The following PRPSAP2 variants were observed in gnomAD, a reference collection of about 807,000 sequenced individuals.
PRPSAP2 encodes phosphoribosyl pyrophosphate synthetase associated protein 2.
In PRPSAP2, 24 loss-of-function variants were observed where a neutral mutation model predicts 40.6. The ratio of observed to expected loss-of-function variants is 0.59; its 90% CI spans 0.43 to 0.83. The LOEUF is 0.83. Among genes scored for constraint, PRPSAP2 ranks in the 40% least tolerant of loss-of-function variants. The pLI is 0.00. For synonymous variants in PRPSAP2, 149 were observed against 164.7 expected (o/e 0.90, Z 0.73); for missense variants, 292 against 465.6 (o/e 0.63, Z 3.43).
chr17:18,860,449 T>C (rs1414154146), intron 1 of PRPSAP2: 1 of 152,254 alleles, frequency 6.6e-6, no homozygotes, highest in Non-Finnish European at 1.5e-5. Flanking sequence ...TCAGCAATCA[T>C]TTGTTTAGCC....
At chr17:18,909,565 G>A (rs1170388115) in intron 8 of PRPSAP2, among the ~76,000 whole-genome samples, 10 of 151,898 alleles carry the variant, frequency 6.6e-5, no homozygotes, top group Non-Finnish European at 1.2e-4. Flanking sequence ...TTTATAAAGA[G>A]TTAAATATAC....
At chr17:18,924,903 T>A (rs2041891001) in intron 10 of PRPSAP2, among the ~76,000 whole-genome samples, 1 of 152,108 alleles carries the variant, frequency 6.6e-6, no homozygotes, top group Non-Finnish European at 1.5e-5. Context: ...GCAGATCACC[T>A]GAGGTCAGGA....
chr17:18,876,726 G>A (rs916899550), intron 5 of PRPSAP2, among the ~76,000 whole-genome samples: 19 of 152,200 alleles, frequency 1.2e-4, no homozygotes, highest in African/African-American at 3.1e-4. Context: ...AGGGCAGAGA[G>A]AGGCAGACAG....
chr17:18,880,238 C>G (rs181831011), intron 6 of PRPSAP2, among the ~76,000 whole-genome samples: 1 of 152,206 alleles, frequency 6.6e-6, no homozygotes, highest in Non-Finnish European at 1.5e-5. Context: ...TCTCTACCAG[C>G]CTTGCTTGAT....
chr17:18,876,273 G>A (rs902904492), intron 5 of PRPSAP2, among the ~76,000 whole-genome samples: 3 of 152,196 alleles, frequency 2.0e-5, no homozygotes, highest in Non-Finnish European at 2.9e-5. Flanking sequence ...AAGTTTTCCT[G>A]TATTTCAAAC....
At chr17:18,922,095 A>T (rs1208600991) in intron 9 of PRPSAP2, among the ~76,000 whole-genome samples, 2 of 152,138 alleles carry the variant, frequency 1.3e-5, no homozygotes, top group African/African-American at 2.4e-5. Flanking sequence ...GGGCTTTTGT[A>T]TCTGGCTTCT....
intron 5 of PRPSAP2, among the ~76,000 whole-genome samples, chr17:18,876,215 AAAAAT>A (rs1465901402): frequency 6.6e-6 from 1 of 152,226 alleles, no homozygotes; most frequent in Non-Finnish European, 1.5e-5. Context: ...TGCTAGCACT[AAAAAT>A]AAAAGAGAAA....
At chr17:18,868,919 G>A (rs902942303) in intron 4 of PRPSAP2, among the ~76,000 whole-genome samples, 1 of 152,032 alleles carries the variant, frequency 6.6e-6, no homozygotes, top group Non-Finnish European at 1.5e-5. Flanking sequence ...TTGATAAAAA[G>A]GCACAAGTTT....
At chr17:18,918,593 G>A (rs1451224873) in intron 9 of PRPSAP2, among the ~76,000 whole-genome samples, 3 of 152,224 alleles carry the variant, frequency 2.0e-5, no homozygotes, top group Non-Finnish European at 2.9e-5. Flanking sequence ...CTCTCGATCC[G>A]GGCCATTTAG....
At chr17:18,912,390 A>AT (rs2041017301) in intron 9 of PRPSAP2, among the ~76,000 whole-genome samples, 1 of 152,182 alleles carries the variant, frequency 6.6e-6, no homozygotes, top group Non-Finnish European at 1.5e-5. Context: ...ATACCACCAC[A>AT]GTGGGTTCCA....
chr17:18,872,246 G>A lies in PRPSAP2; in HGVS notation c.173-337G>A, dbSNP rs572595808. Among the ~76,000 whole-genome samples the A allele has an allele frequency of 4.2e-4, 63 of 149,474 alleles. 1 individual carries two copies. The highest frequency in any genetic ancestry group is 7.8e-4 in the Non-Finnish European group (53 of 67,560). ...CAAGATCGCACCACTGCATTCCAGC[G>A]TGGGCGACAGAGCAAGACTCCGTCT... On this transcript the variant is annotated intron_variant, in intron 4 of 11. Coordinates refer to ENST00000268835, the MANE Select transcript of PRPSAP2 (RefSeq NM_002767.4).
chr17:18,920,260 C>A (rs2151966985), intron 9 of PRPSAP2, among the ~76,000 whole-genome samples: 1 of 152,266 alleles, frequency 6.6e-6, no homozygotes, highest in East Asian at 1.9e-4. Context: ...TTGGAACTTG[C>A]TGGGTGTTAG....
chr17:18,916,899 C>G (rs904067135), intron 9 of PRPSAP2, among the ~76,000 whole-genome samples: 9 of 152,178 alleles, frequency 5.9e-5, no homozygotes, highest in Non-Finnish European at 8.8e-5. Context: ...GAGCCTTAAT[C>G]ATTTCCCAAA....
At chr17:18,877,667 C>T in intron 5 of PRPSAP2, 31 bp from the exon 6 acceptor site, 1 of 1,581,998 alleles carries the variant, frequency 6.3e-7, no homozygotes, top group Non-Finnish European at 8.6e-7. Flanking sequence ...TTGTAGATCC[C>T]TTGATGAGAT....
chr17:18,926,967 T>A lies in PRPSAP2; in HGVS notation c.805-1844T>A, dbSNP rs1734172795. ...GCAACCCCTTGTGTCTTTGTCCACTTTGTGCTGCTGTAACACCTGAGACTA... is the reference window on the plus strand; with the variant it reads ...GCAACCCCTTGTGTCTTTGTCCACTATGTGCTGCTGTAACACCTGAGACTA... On this transcript the variant is annotated intron_variant, in intron 10 of 11. Transcript: ENST00000268835. 2.0e-5 allele frequency among the ~76,000 whole-genome samples: 3 copies of A among 152,152 alleles called. No individual in the cohort carries two copies. In the South Asian group the frequency reaches 6.2e-4, roughly 32 times the overall value.
intron 9 of PRPSAP2, among the ~76,000 whole-genome samples, chr17:18,918,124 A>T (rs2041473200): frequency 6.6e-6 from 1 of 152,170 alleles, no homozygotes; most frequent in South Asian, 2.1e-4. Flanking sequence ...CCATGCACGC[A>T]GCTGGGATTC....
At chr17:18,860,891 G>A (rs1358261573) in intron 1 of PRPSAP2, among the ~76,000 whole-genome samples, 1 of 152,078 alleles carries the variant, frequency 6.6e-6, no homozygotes, top group East Asian at 1.9e-4. Flanking sequence ...TCTTTAAAAG[G>A]TGCTAAGATT....
intron 8 of PRPSAP2, among the ~76,000 whole-genome samples, chr17:18,909,540 G>A (rs879335985): frequency 1.1e-4 from 16 of 151,668 alleles, no homozygotes; most frequent in East Asian, 2.0e-4. Flanking sequence ...CACTGCGCCC[G>A]GCCTATGTGG....
chr17:18,914,811 A>C (rs994168281), intron 9 of PRPSAP2, among the ~76,000 whole-genome samples: 1 of 148,890 alleles, frequency 6.7e-6, no homozygotes, highest in African/African-American at 2.5e-5. Context: ...TGCAACCTCC[A>C]GCTCCCGGGT....
Sources: allele counts gnomAD v4.1 joint callset (sites outside exome capture counted in the v4.1 genomes callset), GRCh38; gene constraint gnomAD v4.1.1; transcripts MANE v1.5; gene names NCBI Gene and HGNC (gene_info 2026-07-23, HGNC 2026-07-21).